The following TBC1D17 variants were observed in gnomAD, a reference collection of about 807,000 sequenced individuals.
The protein encoded by TBC1D17 is TBC1 domain family, member 17.
Under a neutral mutation model 78.8 loss-of-function variants are expected in TBC1D17, and 69 were observed. The observed-to-expected ratio is 0.88, with a 90% CI of 0.72 to 1.07. The LOEUF is 1.07. TBC1D17 is among the 50% of genes least tolerant of loss of function. The probability of loss-of-function intolerance (pLI) is 0.00; values close to 1 mark genes in which losing one functional copy is unlikely to be tolerated. For missense variants in TBC1D17, 957 were observed against 861.0 expected (o/e 1.11, Z -1.39); for synonymous variants, 456 against 358.3 (o/e 1.27, Z -3.08).
intron 7 of TBC1D17, 152 bp from the exon 8 acceptor site, chr19:49,882,612 C>T (rs1162659432): frequency 4.3e-6 from 6 of 1,382,460 alleles, no homozygotes; most frequent in Admixed American, 2.9e-5. Flanking sequence ...TGGGGGATGA[C>T]TTGGCTGCTG....
chr19:49,886,496 G>A (rs2075059395), intron 13 of TBC1D17: 1 of 152,178 alleles, frequency 6.6e-6, no homozygotes, highest in African/African-American at 2.4e-5. Context: ...AAAGTCTTCT[G>A]AAACATCACT....
In TBC1D17 at chr19:49,880,343, C is replaced by T. The variant is rs1003800993; in HGVS notation, c.260C>T (p.Pro87Leu). The T allele has an allele frequency of 2.5e-6, 4 of 1,613,974 alleles. No individual in the cohort carries two copies. Among genetic ancestry groups the T allele is most frequent in the African/African-American group, 1.3e-5 (1 of 74,924 alleles). ...EEPTFDPGYE[P>L]DWAVISTVRP... ...CCAACCTTTGACCCCGGCTATGAAC[C>T]TGACTGGGCTGTCATCAGCACTGTG... The change falls in exon 4 of 17, where the codon CCT becomes CTT. Residue 87 changes from proline (P) to leucine (L), a missense_variant. Coordinates refer to ENST00000221543, the MANE Select transcript of TBC1D17 (RefSeq NM_024682.3).
Position 49,883,677 on chromosome 19 carries a change from A to G in TBC1D17, c.1058A>G (p.Gln353Arg). 1 of 1,613,976 alleles carries G rather than the reference A, an allele frequency of 6.2e-7. No individual in the cohort carries two copies. The highest frequency in any genetic ancestry group is 1.1e-5 in the South Asian group (1 of 91,078). The stretch of plus-strand genomic sequence containing the variant: ...GATGAGTATTTCCGCATGAAGCTGC[A>G]GTGGAAATCTGTGAGCCCTGAGCAG... ...KTDEYFRMKL[Q>R]WKSVSPEQER... Residue 353 changes from glutamine to arginine, a missense_variant, in exon 10 of 17, where the codon CAG (glutamine) becomes CGG (arginine). Coordinates refer to ENST00000221543, the MANE Select transcript of TBC1D17 (RefSeq NM_024682.3).
intron 7 of TBC1D17, 104 bp downstream of exon 7, chr19:49,882,504 G>A: frequency 6.7e-7 from 1 of 1,502,890 alleles, no homozygotes; most frequent in Non-Finnish European, 8.9e-7. Context: ...AACGGGGATG[G>A]TAATGGGACA....
intron 3 of TBC1D17, among the ~76,000 whole-genome samples, chr19:49,879,849 C>CTT (rs35413614): frequency 8.4e-6 from 1 of 119,422 alleles, no homozygotes; most frequent in Non-Finnish European, 1.8e-5. Context: ...TTTCTTTTTT[C>CTT]TTTTTTTTTT....
chr19:49,881,194 C>T (rs939813617), intron 4 of TBC1D17, 74 bp from the exon 5 acceptor site: 1 of 1,374,422 alleles, frequency 7.3e-7, no homozygotes, highest in Non-Finnish European at 1.0e-6. Context: ...GCCGAAGGAA[C>T]ATCCTGGGTT....
rs148331795 is a variant in TBC1D17, at chr19:49,888,335, C to T, written c.1746+18C>T. The stretch of plus-strand genomic sequence containing the variant: ...CCTGCCCCGTGAGTCCCCGTCCGCC[C>T]CGCAGCGCCCCGCCCGAACCCCGAC... On this transcript the variant is annotated intron_variant, in intron 16 of 16. Coordinates refer to ENST00000221543, the MANE Select transcript of TBC1D17 (RefSeq NM_024682.3). 1,201 of 1,551,036 alleles carry T rather than the reference C, an allele frequency of 7.7e-4. 3 individuals are homozygous for T. In the African/African-American group the frequency reaches 0.014, roughly 18 times the overall value.
intron 10 of TBC1D17, 30 bp downstream of exon 10, chr19:49,883,775 A>G: frequency 6.3e-7 from 1 of 1,593,588 alleles, no homozygotes; most frequent in Non-Finnish European, 8.6e-7. Context: ...CTTAGGGTGG[A>G]TGGGAGCAGG....
chr19:49,880,286 G>A lies in TBC1D17; in HGVS notation c.203G>A (p.Ser68Asn). 2 of 1,614,066 alleles carry A rather than the reference G, an allele frequency of 1.2e-6. No individual in the cohort carries two copies. The highest frequency in any genetic ancestry group is 2.7e-5 in the African/African-American group (2 of 75,042). Residue 68 changes from serine to asparagine, a missense_variant, in exon 4 of 17, where the codon AGT becomes AAT. Ser to Asn is a conservative substitution (Grantham distance 46, BLOSUM62 1). Transcript: ENST00000221543. ...CTCCTTTCCTCTCCTAAGGACTCCA[G>A]TGGGGGTGACTCATGTGCTTCTGAG... is the stretch of plus-strand genomic sequence containing the variant. ...TQILFSKKDS[S>N]GGDSCASEEE...
At position 49,882,362 on chromosome 19, in the gene TBC1D17, G is replaced by C. The variant is rs200460228; in HGVS notation, c.760G>C (p.Asp254His). ...GAASDLPPPP[D>H]DEPEPGFEVI... ...CGCCTCCGACCTTCCCCCGCCACCC[G>C]ACGATGAGCCCGAGCCTGGATTCGA... The change falls in exon 7 of 17, where the codon GAC becomes CAC. Residue 254 changes from aspartate (D) to histidine (H), a missense_variant. Coordinates refer to ENST00000221543, the MANE Select transcript of TBC1D17 (RefSeq NM_024682.3). 48 of 1,609,412 alleles carry C rather than the reference G, an allele frequency of 3.0e-5. No individual in the cohort carries two copies. In the Admixed American group the frequency reaches 3.7e-4, roughly 12 times the overall value.
In TBC1D17 at chr19:49,884,623, G is replaced by A. The variant is rs373729426; in HGVS notation, c.1345-36G>A. On this transcript the variant is annotated intron_variant, in intron 12 of 16. Coordinates refer to ENST00000221543, the MANE Select transcript of TBC1D17 (RefSeq NM_024682.3). ...GCGATCAGGTGTCCTGGTACCTCACGGGGTCTGCTCTTTCCCCCCTCCTTC... is the reference window on the plus strand; with the variant it reads ...GCGATCAGGTGTCCTGGTACCTCACAGGGTCTGCTCTTTCCCCCCTCCTTC... The A allele has an allele frequency of 3.7e-5, 60 of 1,613,574 alleles. No individual in the cohort carries two copies. The East Asian group carries it at 9.6e-4, about 26-fold the overall frequency.
Position 49,885,933 on chromosome 19 carries a change from C to CCATTGCACTCCAGCCTGGG in TBC1D17, c.1444+1178_1444+1196dup, listed in dbSNP as rs1412131278. 3.5e-3 allele frequency among the ~76,000 whole-genome samples: 503 copies of CCATTGCACTCCAGCCTGGG among 145,120 alleles called. 2 individuals are homozygous for CCATTGCACTCCAGCCTGGG. Among genetic ancestry groups the CCATTGCACTCCAGCCTGGG allele is most frequent in the African/African-American group, 0.013 (482 of 38,226 alleles). ...GAGGTAGCAGTGAGCAGAGATTGTGCCATTGCACTCCAGCCTGGGCAACAG... is the reference window on the plus strand; with the variant it reads ...GAGGTAGCAGTGAGCAGAGATTGTGCCATTGCACTCCAGCCTGGGCATTGCACTCCAGCCTGGGCAACAG... On this transcript the variant is annotated intron_variant, in intron 13 of 16. Transcript: ENST00000221543.
In TBC1D17 at chr19:49,877,733, G is replaced by T; in HGVS notation, c.10G>T (p.Ala4Ser). The T allele has an allele frequency of 1.9e-6, 3 of 1,598,950 alleles. No individual in the cohort carries two copies. The highest frequency in any genetic ancestry group is 2.6e-6 in the Non-Finnish European group (3 of 1,173,780). The part of the protein sequence containing the change: MEG[A>S]GYRVVFEKGG... ...GCCTTCGGCGGCGACTATGGAAGGA[G>T]CCGGCTACAGGGTAAGCACTGAGGA... is the stretch of plus-strand genomic sequence containing the variant. Residue 4 changes from alanine to serine, a missense_variant, in exon 1 of 17, where the codon GCC (alanine) becomes TCC (serine). Coordinates refer to ENST00000221543, the MANE Select transcript of TBC1D17 (RefSeq NM_024682.3).
chr19:49,888,055 G>C (rs1441307599), intron 15 of TBC1D17, 176 bp from the exon 16 acceptor site: 2 of 1,136,716 alleles, frequency 1.8e-6, no homozygotes, highest in East Asian at 2.6e-5. Flanking sequence ...CCCTCCCCGA[G>C]TACGTGCTCA....
At chr19:49,887,147 A>C in intron 13 of TBC1D17, 1 of 306,560 alleles carries the variant, frequency 3.3e-6, no homozygotes, top group Non-Finnish European at 5.9e-6. Flanking sequence ...TTCAGCTTAA[A>C]TTTTTGCTAC....
At position 49,882,988 on chromosome 19, in the gene TBC1D17, C is replaced by G. The variant is rs1047256594; in HGVS notation, c.943C>G (p.Leu315Val). The G allele has an allele frequency of 2.5e-6, 4 of 1,610,210 alleles. No homozygotes were observed. In the African/African-American group the frequency reaches 5.3e-5, roughly 22 times the overall value. Reference protein sequence around the residue: ...RIFSGGLSPSLRREAWKFLLG... With the variant: ...RIFSGGLSPSVRREAWKFLLG... The stretch of plus-strand genomic sequence containing the variant: ...GCACCCCCAGGGTCTGAGCCCCAGC[C>G]TGCGGCGCGAGGCCTGGAAGTTCCT... The change falls in exon 9 of 17, where the codon CTG (leucine) becomes GTG (valine). Residue 315 changes from leucine to valine, a missense_variant. By Grantham distance (32) the Leu-to-Val change is conservative. Coordinates refer to ENST00000221543, the MANE Select transcript of TBC1D17 (RefSeq NM_024682.3).
At chr19:49,885,663 C>CA (rs2075052915) in intron 13 of TBC1D17, 1 of 150,710 alleles carries the variant, frequency 6.6e-6, no homozygotes, top group South Asian at 2.1e-4. Context: ...TGGGAGACTA[C>CA]AAAAAGATTT....
At chr19:49,888,008 C>A in intron 15 of TBC1D17, 174 bp downstream of exon 15, 1 of 927,694 alleles carries the variant, frequency 1.1e-6, no homozygotes, top group South Asian at 1.7e-5. Context: ...CATGCCTGCT[C>A]CCAGCAAGGT....
intron 3 of TBC1D17, 77 bp from the exon 4 acceptor site, chr19:49,880,202 G>A: frequency 6.4e-7 from 1 of 1,560,310 alleles, no homozygotes. Context: ...TATTCAATGG[G>A]GCTATCTTCC....
Sources: allele counts gnomAD v4.1 joint callset (sites outside exome capture counted in the v4.1 genomes callset), GRCh38; gene constraint gnomAD v4.1.1; transcripts MANE v1.5; gene names NCBI Gene and HGNC (gene_info 2026-07-23, HGNC 2026-07-21).